Variants in IL17REL observed in about 807,000 individuals in gnomAD.
The protein encoded by IL17REL is interleukin 17 receptor E like, also known as interleukin-17 receptor E-like protein.
Under a neutral mutation model 49.0 loss-of-function variants are expected in IL17REL, and 36 were observed. The observed-to-expected ratio is 0.73, with a 90% CI of 0.56 to 0.97. The LOEUF (loss-of-function observed/expected upper bound fraction) is 0.97, where lower values mean the gene tolerates loss of function less well. Among genes scored for constraint, IL17REL ranks in the 50% least tolerant of loss-of-function variants. IL17REL has a pLI of 0.00. For missense variants in IL17REL, 470 were observed against 453.9 expected (o/e 1.04, Z -0.32); for synonymous variants, 206 against 192.4 (o/e 1.07, Z -0.58).
At chr22:50,000,011 A>G (rs567767513) in intron 4 of IL17REL, 44 bp from the exon 7 acceptor site, 1 of 1,436,044 alleles carries the variant, frequency 7.0e-7, no homozygotes, top group East Asian at 2.9e-5. Context: ...ACCAGCGGTC[A>G]CCGACGCGGG....
Position 50,000,446 on chromosome 22 carries a change from T to C in IL17REL, c.334+32A>G, listed in dbSNP as rs756114233. On this transcript the variant is annotated intron_variant, in intron 4 of 12. Transcript: ENST00000341280. Reference sequence around the variant, plus strand: ...AAGCCAGGCCCTGGAGGCTGAACGGTAGCTGTGCTCAGGGGGCCCTGGGGA... The same window carrying C: ...AAGCCAGGCCCTGGAGGCTGAACGGCAGCTGTGCTCAGGGGGCCCTGGGGA... The C allele has an allele frequency of 2.8e-5, 43 of 1,529,702 alleles. No individual in the cohort carries two copies. In the East Asian group the frequency reaches 6.1e-4, roughly 22 times the overall value. The allele number at this position is 1,529,702 out of a possible 1,614,324, so 94.8% of individuals were successfully genotyped here.
At chr22:50,009,370 A>G (rs2061126462), upstream of IL17REL, among the ~76,000 whole-genome samples, 1 of 152,168 alleles carries the variant, frequency 6.6e-6, no homozygotes, top group East Asian at 1.9e-4. Flanking sequence ...ACGGGGCAGA[A>G]GGGTCCTGTG....
intron 7 of IL17REL, 151 bp from the exon 10 acceptor site, chr22:49,998,460 G>A (rs2061051211): frequency 2.8e-6 from 2 of 707,828 alleles, no homozygotes; most frequent in Non-Finnish European, 4.6e-6. Flanking sequence ...GTGCACGTGT[G>A]TGCATGGGTG....
At chr22:50,001,564 C>T (rs543464106) in intron 1 of IL17REL, among the ~76,000 whole-genome samples, 10 of 152,314 alleles carry the variant, frequency 6.6e-5, no homozygotes, top group East Asian at 3.9e-4. Flanking sequence ...CAAGCTCTGT[C>T]GACTCTGCTC....
upstream of IL17REL, among the ~76,000 whole-genome samples, chr22:50,010,877 C>T (rs2061136687): frequency 2.0e-5 from 3 of 151,736 alleles, no homozygotes; most frequent in South Asian, 6.2e-4. Context: ...TTCCGTCGTG[C>T]TTCTCGGGGC....
chr22:50,006,579 G>C (rs2061111621), intron 1 of IL17REL, among the ~76,000 whole-genome samples: 1 of 152,086 alleles, frequency 6.6e-6, no homozygotes, highest in East Asian at 1.9e-4. Flanking sequence ...CTGTGATGAG[G>C]GACCAGGCAC....
chr22:50,007,552 G>T (rs922894613), intron 1 of IL17REL, among the ~76,000 whole-genome samples: 2 of 151,776 alleles, frequency 1.3e-5, no homozygotes, highest in African/African-American at 4.8e-5. Flanking sequence ...TTTGGGGGGG[G>T]GATTCTTAGT....
At chr22:49,999,451 G>T in exon 6 of IL17REL, 1 of 1,611,968 alleles carries the variant, frequency 6.2e-7, no homozygotes. Flanking sequence ...AGGCACGGCA[G>T]CTCCTGGCTG....
chr22:49,997,339 C>A, exon 11 of IL17REL: 1 of 1,613,678 alleles, frequency 6.2e-7, no homozygotes. Flanking sequence ...AGGGAGCGGG[C>A]TGGCCTGGAG....
upstream of IL17REL, among the ~76,000 whole-genome samples, chr22:50,011,799 C>T (rs1022930637): frequency 5.9e-5 from 9 of 152,234 alleles, 2 homozygotes; most frequent in African/African-American, 2.4e-5. Flanking sequence ...CTGCTGGACC[C>T]GTCTCAGGCC....
At chr22:49,993,933 G>T (rs1261020775), downstream of IL17REL, among the ~76,000 whole-genome samples, 1 of 152,122 alleles carries the variant, frequency 6.6e-6, no homozygotes, top group Non-Finnish European at 1.5e-5. This position sits in a 1 kb window ranked among gnomAD's most constrained non-coding sequence, Gnocchi z 6.0. Flanking sequence ...TTCTGGCTGG[G>T]GGCGGACGGG....
upstream of IL17REL, chr22:50,009,114 G>C (rs2061124966): frequency 6.6e-6 from 1 of 151,990 alleles, no homozygotes. Context: ...GAGCAAGAGG[G>C]GTCCGGATAG....
exon 5 of IL17REL, chr22:49,999,900 G>A (rs1247029315): frequency 6.5e-7 from 1 of 1,540,394 alleles, no homozygotes; most frequent in Admixed American, 2.0e-5. Flanking sequence ...CGGGGCTCCC[G>A]GAGGCCCTGG....
At chr22:49,996,268 C>T (rs1261504642) in exon 13 of IL17REL, 2 of 152,090 alleles carry the variant, frequency 1.3e-5, no homozygotes, top group East Asian at 1.9e-4. Flanking sequence ...TGTTGCGGTT[C>T]ACCCCACCCG....
chr22:50,012,722 C>A (rs573796688), upstream of IL17REL: 1 of 152,242 alleles, frequency 6.6e-6, no homozygotes, highest in Non-Finnish European at 1.5e-5. Flanking sequence ...CCTGTGGCAG[C>A]GGCTCCAGGC....
At chr22:50,007,918 C>A (rs1009510422) in intron 1 of IL17REL, among the ~76,000 whole-genome samples, 1 of 151,552 alleles carries the variant, frequency 6.6e-6, no homozygotes, top group Admixed American at 6.7e-5. Flanking sequence ...GTTTATCCTG[C>A]AAATATCTGT....
chr22:50,001,964 C>T (rs531998699), intron 1 of IL17REL, among the ~76,000 whole-genome samples: 54 of 152,316 alleles, frequency 3.5e-4, no homozygotes, highest in East Asian at 1.2e-3. Flanking sequence ...TGCTGCTCAG[C>T]GGAGCCCACA....
chr22:49,994,326 A>T (rs2061020926), downstream of IL17REL, among the ~76,000 whole-genome samples: 2 of 55,122 alleles, frequency 3.6e-5, no homozygotes, highest in Admixed American at 3.6e-4. Flanking sequence ...GCTGACCTCA[A>T]ATCCACTCCC....
chr22:50,009,757 C>T (rs1421781895), upstream of IL17REL, among the ~76,000 whole-genome samples: 2 of 152,172 alleles, frequency 1.3e-5, no homozygotes, highest in Non-Finnish European at 2.9e-5. Context: ...AATTGTGGAG[C>T]GGGCATTACC....
Sources: gnomAD v4.1 joint callset for allele counts (sites outside exome capture counted in the v4.1 genomes callset) on GRCh38, gnomAD v4.1.1 for gene constraint, Gnocchi (gnomAD v3.1) non-coding constraint, MANE v1.5 for transcripts, NCBI Gene and HGNC (gene_info 2026-07-23, HGNC 2026-07-21) for gene names.